AUTS2: variants seen among roughly 807,000 people sequenced by gnomAD.
The protein encoded by AUTS2 is autism susceptibility gene 2 protein.
A neutral mutation model predicts 112.4 loss-of-function variants in AUTS2; 17 were observed. The observed-to-expected ratio is 0.15, with a 90% CI of 0.10 to 0.23. The LOEUF is 0.23. Ranked by LOEUF, AUTS2 falls within the 10% of genes least tolerant of loss-of-function variation. The pLI, the probability that AUTS2 is intolerant of heterozygous loss-of-function variation, is 1.00. For synonymous variants in AUTS2, 751 were observed against 702.7 expected (o/e 1.07, Z -1.09); for missense variants, 1,510 against 1,701.6 (o/e 0.89, Z 1.98).
At chr7:69,753,422 G>A (rs984935139) in intron 1 of AUTS2, among the ~76,000 whole-genome samples, 1 of 152,062 alleles carries the variant, frequency 6.6e-6, no homozygotes, top group East Asian at 1.9e-4. Context: ...TCCATTTCTG[G>A]AGAAGCTTGG....
rs762540993 is a variant in AUTS2 at position 69,899,482 on chromosome 7, C to G, written c.506C>G (p.Pro169Arg). 1.5e-5 allele frequency: 24 copies of G among 1,613,812 alleles called. No homozygotes were observed. The highest frequency in any genetic ancestry group is 2.0e-5 in the Non-Finnish European group (24 of 1,179,852). The change falls in exon 2 of 19, where the codon CCG becomes CGG. Residue 169 changes from proline to arginine, a missense_variant. Pro to Arg is a moderately radical substitution (Grantham distance 103). Transcript: ENST00000342771. The part of the protein sequence containing the change: ...CQHLGKRKKM[P>R]KALRQLKPGQ... ...CACCTTGGGAAGAGAAAGAAAATGC[C>G]GAAGGCACTCAGACAGGTGAGGAAG...
chr7:70,116,872 A>G (rs1160509375), intron 2 of AUTS2, among the ~76,000 whole-genome samples: 2 of 152,078 alleles, frequency 1.3e-5, no homozygotes, highest in Non-Finnish European at 2.9e-5. Context: ...TTTTCTTGTT[A>G]TATTGGAAAC....
intron 4 of AUTS2, among the ~76,000 whole-genome samples, chr7:70,432,424 G>A (rs751095164): frequency 1.3e-5 from 2 of 152,168 alleles, no homozygotes; most frequent in Non-Finnish European, 2.9e-5. Context: ...AACTTAGGGT[G>A]TGAAAGCTAT....
intron 18 of AUTS2, among the ~76,000 whole-genome samples, chr7:70,789,545 C>T (rs539457723): frequency 6.6e-6 from 1 of 152,216 alleles, no homozygotes; most frequent in East Asian, 1.9e-4. Flanking sequence ...CCATCTCCCC[C>T]ATTAAGCTTC....
intron 4 of AUTS2, among the ~76,000 whole-genome samples, chr7:70,375,575 T>TA (rs1167012947): frequency 1.3e-5 from 2 of 152,244 alleles, no homozygotes; most frequent in South Asian, 2.1e-4. Context: ...GTAATCCACT[T>TA]ACAGTCAGTC....
intron 6 of AUTS2, chr7:70,698,919 G>T: frequency 4.0e-6 from 1 of 247,634 alleles, no homozygotes; most frequent in Non-Finnish European, 7.6e-6. Context: ...CAAAATGCCT[G>T]AACTTTATTG....
chr7:70,141,062 CA>C (rs1372296514), intron 4 of AUTS2, among the ~76,000 whole-genome samples: 7 of 152,148 alleles, frequency 4.6e-5, no homozygotes, highest in African/African-American at 1.7e-4. Flanking sequence ...TTAAATGTAG[CA>C]GGCTTAAATT....
rs752758515 is a variant in AUTS2, at chr7:69,743,510, A to G, written c.309+143548A>G. Among the ~76,000 whole-genome samples, 7 of 152,244 alleles carry G rather than the reference A, an allele frequency of 4.6e-5. No individual in the cohort carries two copies. The East Asian group carries it at 1.4e-3, about 29-fold the overall frequency. On this transcript the variant is annotated intron_variant, in intron 1 of 18. Coordinates refer to ENST00000342771, the MANE Select transcript of AUTS2 (RefSeq NM_015570.4). ...TATTTTTTTCAACTTTATTTTTTAC[A>G]TACAATAAAGTGCATCGATTTTTAA... is the stretch of plus-strand genomic sequence containing the variant.
intron 8 of AUTS2, among the ~76,000 whole-genome samples, chr7:70,765,890 C>T (rs1406501625): frequency 6.6e-6 from 1 of 152,118 alleles, no homozygotes; most frequent in Non-Finnish European, 1.5e-5. Flanking sequence ...TGATAGACTG[C>T]CTGTCCCTGA....
chr7:69,751,041 C>G (rs530436525), intron 1 of AUTS2, among the ~76,000 whole-genome samples: 1 of 152,192 alleles, frequency 6.6e-6, no homozygotes, highest in South Asian at 2.1e-4. Context: ...TGTACATCTT[C>G]TTTGAAGGTT....
chr7:70,675,054 C>G (rs1807839057), intron 5 of AUTS2, among the ~76,000 whole-genome samples: 1 of 152,036 alleles, frequency 6.6e-6, no homozygotes, highest in South Asian at 2.1e-4. Flanking sequence ...TTCTCTCTAC[C>G]TCAGGTGTGG....
chr7:70,536,682 C>A (rs886110481), intron 5 of AUTS2, among the ~76,000 whole-genome samples: 14 of 147,290 alleles, frequency 9.5e-5, no homozygotes, highest in Non-Finnish European at 1.8e-4. Context: ...GGGCGGATCA[C>A]CTGAGGTCGG....
intron 16 of AUTS2, 103 bp downstream of exon 16, chr7:70,785,122 A>G: frequency 1.7e-6 from 2 of 1,197,738 alleles, no homozygotes; most frequent in Non-Finnish European, 2.4e-6. Flanking sequence ...TGGGAGTCCC[A>G]GATACCCTGC....
chr7:69,798,027 T>C (rs1429093794), intron 1 of AUTS2, among the ~76,000 whole-genome samples: 1 of 152,138 alleles, frequency 6.6e-6, no homozygotes, highest in East Asian at 1.9e-4. Flanking sequence ...TGAGCTTTTT[T>C]TTTTAATCCA....
chr7:69,775,491 A>T (rs1030771830), intron 1 of AUTS2, among the ~76,000 whole-genome samples: 2 of 152,092 alleles, frequency 1.3e-5, no homozygotes, highest in Non-Finnish European at 1.5e-5. Flanking sequence ...CTGATAAGCC[A>T]TTTCCAATCC....
intron 2 of AUTS2, among the ~76,000 whole-genome samples, chr7:69,991,351 C>T (rs1798735312): frequency 1.3e-5 from 2 of 152,150 alleles, no homozygotes; most frequent in Admixed American, 6.5e-5. Context: ...TTGGACATTT[C>T]GTTCATCCTT....
chr7:70,311,403 A>T lies in AUTS2; in HGVS notation c.661-124349A>T, dbSNP rs150312386. On this transcript the variant is annotated intron_variant, in intron 4 of 18. Transcript: ENST00000342771. The stretch of plus-strand genomic sequence containing the variant: ...TGTCTCCCAAAGATGTCACACATTC[A>T]TTATTGCCAAAAAACATTTTTAAAG... 2.6e-5 allele frequency among the ~76,000 whole-genome samples: 4 copies of T among 152,212 alleles called. No individual in the cohort carries two copies. The East Asian group carries it at 7.7e-4, about 29-fold the overall frequency.
At chr7:69,737,019 A>G (rs1787058082) in intron 1 of AUTS2, among the ~76,000 whole-genome samples, 1 of 152,188 alleles carries the variant, frequency 6.6e-6, no homozygotes, top group Non-Finnish European at 1.5e-5. Flanking sequence ...TGGCAGTGTC[A>G]GGCCATGCTG....
chr7:70,408,880 C>T (rs1364198536), intron 4 of AUTS2, among the ~76,000 whole-genome samples: 1 of 152,192 alleles, frequency 6.6e-6, no homozygotes, highest in East Asian at 1.9e-4. Context: ...TCAAAAACTT[C>T]ACGACAAGCA....
Sources: gnomAD v4.1 joint callset for allele counts (sites outside exome capture counted in the v4.1 genomes callset) on GRCh38, gnomAD v4.1.1 for gene constraint, MANE v1.5 for transcripts, NCBI Gene and HGNC (gene_info 2026-07-23, HGNC 2026-07-21) for gene names.